DLG2: variants seen among roughly 807,000 people sequenced by gnomAD.
DLG2 encodes the protein disks large homolog 2.
DLG2 carries 45 observed loss-of-function variants against 132.5 expected under a neutral mutation model. The ratio of observed to expected loss-of-function variants is 0.34; its 90% confidence interval spans 0.27 to 0.44. DLG2 has a LOEUF of 0.44. Ranked by LOEUF, DLG2 falls within the 20% of genes least tolerant of loss-of-function variation. The pLI, the probability that DLG2 is intolerant of heterozygous loss-of-function variation, is 1.00. For missense variants in DLG2, 1,045 were observed against 1,196.9 expected, an observed-to-expected ratio of 0.87 and a Z score of 1.87; for synonymous variants, 424 against 419.6, an observed-to-expected ratio of 1.01 and a Z score of -0.13.
At chr11:85,294,353 A>T (rs1357239958) in intron 3 of DLG2, among the ~76,000 whole-genome samples, 1 of 152,160 alleles carries the variant, frequency 6.6e-6, no homozygotes, top group East Asian at 1.9e-4. Flanking sequence ...ATTTGTAAAA[A>T]AAAAAAATCT....
intron 6 of DLG2, among the ~76,000 whole-genome samples, chr11:85,001,164 G>A (rs689226): frequency 0.69 from 103,611 of 151,076 alleles, 36,680 homozygotes; most frequent in East Asian, 0.92. Context: ...CATGATTACC[G>A]CTTCCTGCAG....
At chr11:83,934,723 T>C (rs1483235509) in intron 14 of DLG2, among the ~76,000 whole-genome samples, 1 of 152,212 alleles carries the variant, frequency 6.6e-6, no homozygotes. Flanking sequence ...CTCACCTCAT[T>C]GCACTGTCTT....
chr11:84,172,607 A>G (rs1365668899), intron 8 of DLG2, among the ~76,000 whole-genome samples: 1 of 151,432 alleles, frequency 6.6e-6, no homozygotes, highest in Admixed American at 6.6e-5. Flanking sequence ...CAGTGGTGCA[A>G]TCTCGGCTCA....
intron 6 of DLG2, among the ~76,000 whole-genome samples, chr11:84,884,669 GT>G (rs898647689): frequency 1.3e-3 from 197 of 149,196 alleles, no homozygotes; most frequent in African/African-American, 4.5e-3. Flanking sequence ...CCTTTTAGAA[GT>G]TTTTTTTTTC....
intron 6 of DLG2, among the ~76,000 whole-genome samples, chr11:84,918,567 C>G (rs528348650): frequency 1.3e-5 from 2 of 152,042 alleles, no homozygotes; most frequent in African/African-American, 4.8e-5. Flanking sequence ...ACTGAATAAA[C>G]CTGGTGAAAA....
chr11:84,192,096 C>G (rs1242007281), intron 8 of DLG2, among the ~76,000 whole-genome samples: 4 of 152,042 alleles, frequency 2.6e-5, no homozygotes, highest in Non-Finnish European at 5.9e-5. Flanking sequence ...TACTGCTGCA[C>G]ATGGGACAAG....
At chr11:84,965,644 C>T (rs544842634) in intron 6 of DLG2, among the ~76,000 whole-genome samples, 184 of 152,110 alleles carry the variant, frequency 1.2e-3, no homozygotes, top group Middle Eastern at 0.01. Flanking sequence ...AATGGGCCTA[C>T]GGAAAGTGAG....
chr11:84,559,220 A>G lies in DLG2; in HGVS notation c.358-24489T>C, dbSNP rs1019602609. ...GCTTATATTGCCTGAACTTTTATCT[A>G]TTATTACTGTTGTCATTATAACAAA... On this transcript the variant is annotated intron_variant, in intron 6 of 27. Coordinates refer to ENST00000376104, the MANE Select transcript of DLG2 (RefSeq NM_001142699.3). Among the ~76,000 whole-genome samples the G allele has an allele frequency of 2.6e-5, 4 of 152,272 alleles. No individual in the cohort carries two copies. The South Asian group carries it at 6.2e-4, about 24-fold the overall frequency.
intron 3 of DLG2, among the ~76,000 whole-genome samples, chr11:85,355,026 T>C (rs531088316): frequency 6.6e-6 from 1 of 152,192 alleles, no homozygotes; most frequent in Non-Finnish European, 1.5e-5. Context: ...TTTTTGCACA[T>C]TTTTGGCAAA....
chr11:85,019,577 G>T (rs992128262), intron 6 of DLG2, among the ~76,000 whole-genome samples: 1 of 151,902 alleles, frequency 6.6e-6, no homozygotes, highest in African/African-American at 2.4e-5. Context: ...CCACTAACTC[G>T]TCATTTACAT....
At chr11:83,863,778 A>T (rs2154053210) in intron 16 of DLG2, among the ~76,000 whole-genome samples, 1 of 152,258 alleles carries the variant, frequency 6.6e-6, no homozygotes, top group East Asian at 1.9e-4. Flanking sequence ...GCGGAGCCAG[A>T]ATTTAAATGA....
intron 6 of DLG2, among the ~76,000 whole-genome samples, chr11:85,019,387 T>A (rs2059836549): frequency 6.6e-6 from 1 of 152,070 alleles, no homozygotes; most frequent in Non-Finnish European, 1.5e-5. Flanking sequence ...GGGGAGAGGA[T>A]CTGGTGAAAA....
intron 9 of DLG2, among the ~76,000 whole-genome samples, chr11:84,133,323 T>G (rs2094485943): frequency 6.6e-6 from 1 of 152,044 alleles, no homozygotes; most frequent in Non-Finnish European, 1.5e-5. Context: ...TATTGATGTT[T>G]TTAGTTTTAG....
chr11:83,563,987 A>C (rs1357934419), intron 19 of DLG2, among the ~76,000 whole-genome samples: 1 of 152,052 alleles, frequency 6.6e-6, no homozygotes, highest in East Asian at 1.9e-4. Context: ...GTTTTGATTT[A>C]TTTTTTATCA....
intron 6 of DLG2, among the ~76,000 whole-genome samples, chr11:85,085,361 T>C (rs2067781660): frequency 1.3e-5 from 2 of 152,132 alleles, no homozygotes; most frequent in African/African-American, 4.8e-5. Flanking sequence ...CTCATGATGC[T>C]AGAAACTGCT....
intron 6 of DLG2, among the ~76,000 whole-genome samples, chr11:84,729,433 G>C (rs561026290): frequency 2.0e-5 from 3 of 152,098 alleles, no homozygotes; most frequent in Non-Finnish European, 4.4e-5. Flanking sequence ...TTGCACTGTG[G>C]TCCGAGAGAC....
At chr11:85,389,108 A>G (rs2086589360) in intron 3 of DLG2, among the ~76,000 whole-genome samples, 1 of 152,136 alleles carries the variant, frequency 6.6e-6, no homozygotes, top group Non-Finnish European at 1.5e-5. Flanking sequence ...TTTAAAAAAG[A>G]TACAGGATAG....
chr11:83,982,491 A>AG (rs1039193053), intron 11 of DLG2, among the ~76,000 whole-genome samples: 2 of 151,454 alleles, frequency 1.3e-5, no homozygotes. Context: ...AAAAAAAAAA[A>AG]AAAAAAAAGA....
chr11:85,135,393 A>G lies in DLG2; in HGVS notation c.282+19163T>C, dbSNP rs186511658. Among the ~76,000 whole-genome samples, 117 of 152,348 alleles carry G rather than the reference A, an allele frequency of 7.7e-4. 1 individual carries two copies. The highest frequency in any genetic ancestry group is 1.4e-3 in the Non-Finnish European group (97 of 68,014). On this transcript the variant is annotated intron_variant, in intron 5 of 27. Transcript: ENST00000376104. The stretch of plus-strand genomic sequence containing the variant: ...AGACAATCAGGGGTTAGACAGAGGA[A>G]GTAAATAAATTGGATAGCAGAGTAA...
Sources: gnomAD v4.1 joint callset for allele counts (sites outside exome capture counted in the v4.1 genomes callset) on GRCh38, gnomAD v4.1.1 for gene constraint, MANE v1.5 for transcripts, NCBI Gene and HGNC (gene_info 2026-07-23, HGNC 2026-07-21) for gene names.